The following SOX5 variants were observed in gnomAD, a reference collection of about 807,000 sequenced individuals.
The protein encoded by SOX5 is transcription factor SOX-5.
SOX5 carries 9 observed loss-of-function variants against 92.0 expected under a neutral mutation model. That is an observed-to-expected ratio of 0.10 (90% CI 0.06 to 0.17). The LOEUF is 0.17. Ranked by LOEUF, SOX5 falls within the 10% of genes least tolerant of loss-of-function variation. SOX5 has a pLI of 1.00. For synonymous variants in SOX5, 344 were observed against 336.3 expected (o/e 1.02, Z -0.25); for missense variants, 642 against 944.5 (o/e 0.68, Z 4.20).
intron 9 of SOX5, among the ~76,000 whole-genome samples, chr12:23,598,219 C>T (rs1368839553): frequency 6.6e-6 from 1 of 151,984 alleles, no homozygotes; most frequent in Non-Finnish European, 1.5e-5. Flanking sequence ...GAAACTACCA[C>T]TCAAAATTTC....
At chr12:24,468,691 A>C (rs967078133) in intron 1 of SOX5, among the ~76,000 whole-genome samples, 1 of 152,050 alleles carries the variant, frequency 6.6e-6, no homozygotes, top group African/African-American at 2.4e-5. Context: ...ATTTTTTACT[A>C]TATGTCTGTG....
At chr12:24,201,444 T>C (rs926126435) in intron 4 of SOX5, among the ~76,000 whole-genome samples, 5 of 152,192 alleles carry the variant, frequency 3.3e-5, no homozygotes, top group Admixed American at 6.5e-5. Context: ...CTCAAATGAA[T>C]ACCCTGGTCT....
chr12:23,827,606 A>G (rs1031726910), intron 3 of SOX5, among the ~76,000 whole-genome samples: 1 of 152,184 alleles, frequency 6.6e-6, no homozygotes, highest in African/African-American at 2.4e-5. Flanking sequence ...GCAGCAACTA[A>G]GTGAACAGAG....
At position 24,291,143 on chromosome 12, in the gene SOX5, CAAT is replaced by C. The variant is rs566845972; in HGVS notation, c.-173-13834_-173-13832del. Among the ~76,000 whole-genome samples the C allele has an allele frequency of 1.8e-4, 28 of 152,114 alleles. No individual in the cohort carries two copies. The South Asian group carries it at 5.8e-3, about 32-fold the overall frequency. Reference sequence around the variant, plus strand: ...ATGACATGATTAGGCACTGGGCAGTCAATAAAATAATATGTGAATATAGTGTCA... The same window carrying C: ...ATGACATGATTAGGCACTGGGCAGTCAAAATAATATGTGAATATAGTGTCA... On this transcript the variant is annotated intron_variant, in intron 2 of 4. Transcript: ENST00000446891.
rs2079501584 is a variant in SOX5, at chr12:23,637,980, C to A, written c.1017+2832G>T. On this transcript the variant is annotated intron_variant, in intron 8 of 14. Coordinates refer to ENST00000451604, the MANE Select transcript of SOX5 (RefSeq NM_006940.6). ...AGAAGAGGACCTCAGTAGAAGACTA[C>A]AGGTTTCTCCATGGAGCAGCACAGA... 2.6e-5 allele frequency: 4 copies of A among 152,256 alleles called. No individual in the cohort carries two copies. The South Asian group carries it at 8.3e-4, about 32-fold the overall frequency. 9.4% of individuals were successfully genotyped at this position (152,256 alleles called of 1,614,324 possible). A position where few individuals can be genotyped will look rare whatever the true frequency, so the allele number is the denominator to read the frequency against.
intron 3 of SOX5, among the ~76,000 whole-genome samples, chr12:24,274,877 G>C (rs920171971): frequency 1.3e-5 from 2 of 152,132 alleles, no homozygotes. Context: ...CTTTGAAATA[G>C]GCATGCATAC....
intron 4 of SOX5, among the ~76,000 whole-genome samples, chr12:24,067,971 C>T (rs1196902230): frequency 3.3e-5 from 5 of 150,340 alleles, no homozygotes; most frequent in Admixed American, 1.3e-4. Flanking sequence ...ACGGTGAAAC[C>T]CCGTCTCTAC....
chr12:24,056,974 C>CAAAAA lies in SOX5; in HGVS notation c.-2+156364_-2+156368dup, dbSNP rs60085412. On this transcript the variant is annotated intron_variant, in intron 4 of 4. Transcript: ENST00000446891. The stretch of plus-strand genomic sequence containing the variant: ...TGGGCGACAGAGCGAGACTCCGTCT[C>CAAAAA]AAAAAAAAAAAAAAAAAAATTCAAC... 2.7e-3 allele frequency among the ~76,000 whole-genome samples: 99 copies of CAAAAA among 36,908 alleles called. 4 individuals are homozygous for CAAAAA. Among genetic ancestry groups the CAAAAA allele is most frequent in the African/African-American group, 8.1e-3 (88 of 10,916 alleles). 24.2% of individuals were successfully genotyped at this position (36,908 alleles called of 152,430 possible).
chr12:23,886,250 T>C (rs562749691), intron 2 of SOX5, among the ~76,000 whole-genome samples: 143 of 152,324 alleles, frequency 9.4e-4, no homozygotes, highest in African/African-American at 3.3e-3. Flanking sequence ...TGTCAAAATA[T>C]GTGAAAAAAA....
At chr12:24,063,640 G>T (rs1940145310) in intron 4 of SOX5, among the ~76,000 whole-genome samples, 1 of 152,156 alleles carries the variant, frequency 6.6e-6, no homozygotes, top group South Asian at 2.1e-4. Flanking sequence ...TAGGAACATG[G>T]CATATTACAA....
chr12:24,542,202 C>T (rs1298594273), intron 1 of SOX5, among the ~76,000 whole-genome samples: 2 of 152,204 alleles, frequency 1.3e-5, no homozygotes, highest in African/African-American at 4.8e-5. Context: ...GGCCACACTG[C>T]TCTCTTGATC....
intron 1 of SOX5, among the ~76,000 whole-genome samples, chr12:24,521,104 G>T (rs1950223846): frequency 6.6e-6 from 1 of 152,134 alleles, no homozygotes; most frequent in Non-Finnish European, 1.5e-5. Flanking sequence ...CCCAAGGCTG[G>T]AGTGCAATGG....
At chr12:24,496,616 G>A (rs1470959097) in intron 1 of SOX5, among the ~76,000 whole-genome samples, 1 of 152,058 alleles carries the variant, frequency 6.6e-6, no homozygotes, top group Admixed American at 6.6e-5. Context: ...TTTCTATTTG[G>A]CTGGTTAAAA....
In SOX5 at chr12:24,369,015, T is replaced by C. The variant is rs545288024; in HGVS notation, c.-250-376A>G. The stretch of plus-strand genomic sequence containing the variant: ...TGTTGGATAAATTACTTAATCTTGC[T>C]AAATCCAGCTGTCTGTAAAGTAAGG... On this transcript the variant is annotated intron_variant, in intron 1 of 4. Transcript: ENST00000446891. 3.1e-3 allele frequency among the ~76,000 whole-genome samples: 471 copies of C among 152,326 alleles called. 1 individual carries two copies. Among genetic ancestry groups the C allele is most frequent in the Non-Finnish European group, 5.1e-3 (350 of 68,024 alleles).
chr12:24,021,898 T>A (rs1359179755), intron 4 of SOX5, among the ~76,000 whole-genome samples: 2 of 152,224 alleles, frequency 1.3e-5, no homozygotes, highest in Non-Finnish European at 2.9e-5. Context: ...CATTTATTCC[T>A]CTGAACTCCC....
rs373831624 is a variant in SOX5 at position 24,167,693 on chromosome 12, G to A, written c.-2+45650C>T. On this transcript the variant is annotated intron_variant, in intron 4 of 4. Coordinates refer to the SOX5 transcript ENST00000446891. ...TCTTTGTTTTACTAAAAACAGCAAC[G>A]TATTATTCTAAACATTTATTTTGTT... 1.2e-4 allele frequency among the ~76,000 whole-genome samples: 19 copies of A among 152,296 alleles called. No individual in the cohort carries two copies. In the East Asian group the frequency reaches 2.7e-3, roughly 22 times the overall value.
At chr12:23,972,682 A>G (rs1302953625) in intron 4 of SOX5, among the ~76,000 whole-genome samples, 4 of 151,962 alleles carry the variant, frequency 2.6e-5, no homozygotes, top group Non-Finnish European at 4.4e-5. Flanking sequence ...TTATTTAAAT[A>G]ATTTTTTATT....
chr12:24,335,972 C>CATATATCATATATATATATATATAT (rs1951830296), intron 2 of SOX5, among the ~76,000 whole-genome samples: 1 of 58,612 alleles, frequency 1.7e-5, no homozygotes, highest in African/African-American at 6.5e-5. Context: ...GAAATGCTAT[C>CATATATCATATATATATATATATAT]ATATATATAT....
intron 2 of SOX5, among the ~76,000 whole-genome samples, chr12:24,306,430 C>T (rs951529594): frequency 7.9e-5 from 12 of 152,130 alleles, no homozygotes; most frequent in Non-Finnish European, 1.8e-4. Context: ...ATTGTTATTT[C>T]CATAAAAAAA....
Sources: gnomAD v4.1 joint callset for allele counts (sites outside exome capture counted in the v4.1 genomes callset) on GRCh38, gnomAD v4.1.1 for gene constraint, MANE v1.5 for transcripts, NCBI Gene and HGNC (gene_info 2026-07-23, HGNC 2026-07-21) for gene names.